Variants in CDH13 observed in about 807,000 individuals in gnomAD.
CDH13 encodes cadherin-13.
CDH13 carries 24 observed loss-of-function variants against 63.8 expected under a neutral mutation model. That is an observed-to-expected ratio of 0.38 (90% CI 0.27 to 0.53). CDH13 has a LOEUF of 0.53. CDH13 is among the 20% of genes least tolerant of loss of function. The pLI, the probability that CDH13 is intolerant of heterozygous loss-of-function variation, is 0.85. For synonymous variants in CDH13, 503 were observed against 355.3 expected (o/e 1.42, Z -4.67); for missense variants, 1,049 against 903.1 (o/e 1.16, Z -2.07).
intron 1 of CDH13, among the ~76,000 whole-genome samples, chr16:82,791,997 G>A (rs1160211258): frequency 6.6e-6 from 1 of 152,164 alleles, no homozygotes; most frequent in Admixed American, 6.5e-5. Context: ...TACAATTCAA[G>A]ATGAGATTTG....
intron 1 of CDH13, among the ~76,000 whole-genome samples, chr16:82,634,379 C>T (rs1292527894): frequency 2.6e-5 from 4 of 152,186 alleles, no homozygotes; most frequent in African/African-American, 9.7e-5. Context: ...TGATTGTCTC[C>T]CTGTGGACTG....
At chr16:83,028,219 A>T (rs1435130494) in intron 2 of CDH13, among the ~76,000 whole-genome samples, 1 of 152,180 alleles carries the variant, frequency 6.6e-6, no homozygotes, top group Admixed American at 6.5e-5. Flanking sequence ...ATACTAATTG[A>T]TGATAACAGT....
intron 1 of CDH13, among the ~76,000 whole-genome samples, chr16:82,695,113 G>T (rs1353820088): frequency 6.6e-6 from 1 of 152,148 alleles, no homozygotes; most frequent in Non-Finnish European, 1.5e-5. Context: ...ACCAGAAGCA[G>T]CTCAGTGGAA....
chr16:83,614,956 CTA>C (rs1277548085), intron 8 of CDH13, among the ~76,000 whole-genome samples: 1 of 152,136 alleles, frequency 6.6e-6, no homozygotes, highest in East Asian at 1.9e-4. Flanking sequence ...GAAGGGAACT[CTA>C]AATCCAAGAA....
At chr16:83,445,797 G>C (rs1263945887) in intron 6 of CDH13, among the ~76,000 whole-genome samples, 1 of 152,150 alleles carries the variant, frequency 6.6e-6, no homozygotes, top group African/African-American at 2.4e-5. Flanking sequence ...GAAGTGTTTA[G>C]CTTGGAAATA....
chr16:82,831,075 C>T (rs1218251566), intron 1 of CDH13, among the ~76,000 whole-genome samples: 1 of 152,034 alleles, frequency 6.6e-6, no homozygotes, highest in Non-Finnish European at 1.5e-5. Context: ...GTCCATGGAC[C>T]AAGCAGCTTC....
chr16:83,308,309 A>G (rs1370045366), intron 5 of CDH13, among the ~76,000 whole-genome samples: 2 of 152,200 alleles, frequency 1.3e-5, no homozygotes, highest in Non-Finnish European at 2.9e-5. Context: ...CATTAGCAAG[A>G]TGCTTGAAGG....
chr16:82,637,653 G>T (rs1908838050), intron 1 of CDH13: 1 of 150,866 alleles, frequency 6.6e-6, no homozygotes, highest in Non-Finnish European at 1.5e-5. Flanking sequence ...TAGCCAGGAT[G>T]GTCTCGATCT....
chr16:82,879,935 A>C (rs1403984104), intron 2 of CDH13, among the ~76,000 whole-genome samples: 2 of 130,414 alleles, frequency 1.5e-5, no homozygotes, highest in South Asian at 5.4e-4. Flanking sequence ...AGAAATATAT[A>C]ATATATATTA....
intron 4 of CDH13, among the ~76,000 whole-genome samples, chr16:83,187,347 G>A (rs932236713): frequency 1.3e-5 from 2 of 152,160 alleles, no homozygotes; most frequent in Non-Finnish European, 2.9e-5. Context: ...GCACCTTCAT[G>A]AGCTTGACAT....
intron 3 of CDH13, among the ~76,000 whole-genome samples, chr16:83,078,977 T>A (rs1256867091): frequency 6.6e-6 from 1 of 152,122 alleles, no homozygotes; most frequent in African/African-American, 2.4e-5. Flanking sequence ...GTATATTTAG[T>A]AGAGACGGGG....
At chr16:83,288,740 G>C (rs1457823825) in intron 5 of CDH13, among the ~76,000 whole-genome samples, 1 of 152,206 alleles carries the variant, frequency 6.6e-6, no homozygotes, top group Non-Finnish European at 1.5e-5. Flanking sequence ...CTTTCATAAA[G>C]CACAAGTGGA....
At chr16:83,477,488 C>T (rs2073635414) in intron 6 of CDH13, among the ~76,000 whole-genome samples, 1 of 152,138 alleles carries the variant, frequency 6.6e-6, no homozygotes, top group South Asian at 2.1e-4. Flanking sequence ...TATGGGATGG[C>T]ACTTCCTCAC....
chr16:83,670,127 A>G (rs1056142598), intron 8 of CDH13, among the ~76,000 whole-genome samples: 6 of 152,206 alleles, frequency 3.9e-5, no homozygotes, highest in African/African-American at 1.2e-4. Context: ...GGTTTCTAAG[A>G]TCATATTAAA....
chr16:83,783,195 C>T, intron 12 of CDH13, 59 bp from the exon 13 acceptor site: 2 of 1,182,388 alleles, frequency 1.7e-6, no homozygotes, highest in Admixed American at 1.9e-5. Flanking sequence ...ACCAAAACCT[C>T]ACTCTTTTAT....
At chr16:82,914,573 A>G (rs565004950) in intron 2 of CDH13, among the ~76,000 whole-genome samples, 1 of 152,216 alleles carries the variant, frequency 6.6e-6, no homozygotes, top group Non-Finnish European at 1.5e-5. Flanking sequence ...TTATCAATCA[A>G]TGGAAATATT....
At chr16:83,565,906 C>T (rs1166111726) in intron 7 of CDH13, among the ~76,000 whole-genome samples, 1 of 151,838 alleles carries the variant, frequency 6.6e-6, no homozygotes, top group African/African-American at 2.4e-5. Flanking sequence ...TTTGTGATAC[C>T]AGTTTGTAAA....
intron 5 of CDH13, among the ~76,000 whole-genome samples, chr16:83,332,591 A>G (rs894590310): frequency 2.0e-5 from 3 of 152,194 alleles, no homozygotes; most frequent in African/African-American, 7.2e-5. Flanking sequence ...CTAAAGTATT[A>G]TATTTCCCAT....
intron 1 of CDH13, among the ~76,000 whole-genome samples, chr16:82,656,760 C>T (rs955150576): frequency 6.6e-6 from 1 of 152,194 alleles, no homozygotes; most frequent in East Asian, 1.9e-4. Context: ...TCCCTAACCC[C>T]TGGCAATCCA....
Sources: allele counts gnomAD v4.1 joint callset (sites outside exome capture counted in the v4.1 genomes callset), GRCh38; gene constraint gnomAD v4.1.1; transcripts MANE v1.5; gene names NCBI Gene and HGNC (gene_info 2026-07-23, HGNC 2026-07-21).